Variants in MMS19 observed in about 807,000 individuals in gnomAD.
The protein encoded by MMS19 is MMS19 nucleotide excision repair protein homolog.
In MMS19, 77 loss-of-function variants were observed where a neutral mutation model predicts 129.8. That is an observed-to-expected ratio of 0.59 (90% confidence interval 0.49 to 0.72). The LOEUF is 0.72. Ranked by LOEUF, MMS19 falls within the 30% of genes least tolerant of loss-of-function variation. The pLI, the probability that MMS19 is intolerant of heterozygous loss-of-function variation, is 0.00. For synonymous variants in MMS19, 491 were observed against 502.8 expected, an observed-to-expected ratio of 0.98 and a Z score of 0.31; for missense variants, 1,168 against 1,266.3, an observed-to-expected ratio of 0.92 and a Z score of 1.18.
intron 1 of MMS19, among the ~76,000 whole-genome samples, chr10:97,494,385 T>C (rs1292770165): frequency 6.6e-6 from 1 of 152,184 alleles, no homozygotes. Flanking sequence ...CTTGAGAATC[T>C]GGACTAGCAG....
At chr10:97,494,316 T>C (rs939608589) in intron 1 of MMS19, among the ~76,000 whole-genome samples, 1 of 152,188 alleles carries the variant, frequency 6.6e-6, no homozygotes, top group African/African-American at 2.4e-5. Context: ...AAAGGAGTAT[T>C]CATGTGATCA....
chr10:97,473,397 C>T (rs1035659016), intron 8 of MMS19, among the ~76,000 whole-genome samples: 4 of 152,032 alleles, frequency 2.6e-5, no homozygotes, highest in Admixed American at 2.0e-4. Flanking sequence ...AGATTGAAGG[C>T]ATTTAAGGGT....
intron 11 of MMS19, 64 bp from the exon 12 acceptor site, chr10:97,469,168 A>T: frequency 6.6e-7 from 1 of 1,518,814 alleles, no homozygotes. Flanking sequence ...CCACCAATCC[A>T]CTGCCTATTT....
intron 10 of MMS19, 135 bp downstream of exon 10, chr10:97,469,994 A>T: frequency 1.4e-6 from 1 of 703,014 alleles, no homozygotes; most frequent in Non-Finnish European, 2.5e-6. Context: ...CTTCAGGTCG[A>T]CACAAAGGCC....
At chr10:97,477,761 C>G (rs2036018430) in intron 5 of MMS19, 94 bp downstream of exon 5, 1 of 845,934 alleles carries the variant, frequency 1.2e-6, no homozygotes. Flanking sequence ...CAAAAGAATT[C>G]AGAACTTAGA....
intron 1 of MMS19, 94 bp downstream of exon 1, chr10:97,498,179 C>T (rs2040151307): frequency 1.6e-6 from 2 of 1,227,850 alleles, no homozygotes; most frequent in Admixed American, 2.8e-5. Context: ...CTCTCAAAGT[C>T]ACCCCGCTCC....
chr10:97,480,901 T>C (rs931197609), intron 3 of MMS19, 41 bp downstream of exon 3: 2 of 1,428,440 alleles, frequency 1.4e-6, no homozygotes, highest in Admixed American at 1.9e-5. Context: ...AGACCTGGGC[T>C]CAGCAATCCA....
intron 2 of MMS19, among the ~76,000 whole-genome samples, chr10:97,482,185 G>C (rs192628008): frequency 9.2e-5 from 14 of 151,632 alleles, no homozygotes; most frequent in Admixed American, 8.5e-4. Context: ...CAAAGAAAAA[G>C]AAAAAAAGAA....
At chr10:97,498,472 G>A, upstream of MMS19, 1 of 1,520,700 alleles carries the variant, frequency 6.6e-7, no homozygotes, top group Non-Finnish European at 8.8e-7. Context: ...AATCTCCGGG[G>A]AAGCGCAAGG....
intron 1 of MMS19, among the ~76,000 whole-genome samples, chr10:97,488,213 G>A (rs557691010): frequency 6.6e-6 from 1 of 152,250 alleles, no homozygotes; most frequent in East Asian, 1.9e-4. Context: ...TACAATAAAA[G>A]ATGTAAATTA....
chr10:97,476,686 G>A lies in MMS19; in HGVS notation c.681C>T (p.Thr227=), dbSNP rs770258957. ...VTSCYFPIDF[T]PPPNDPHGIQ... ...AAACAATGAAGGTGCTACTTACAGG[G>A]GTAAAATCGATAGGGAAATAACAGG... The change falls in exon 8 of 31, where the codon ACC becomes ACT. Residue 227 remains threonine (T), a synonymous_variant. Coordinates refer to ENST00000438925, the MANE Select transcript of MMS19 (RefSeq NM_022362.5). 4 of 1,613,488 alleles carry A rather than the reference G, an allele frequency of 2.5e-6. No individual in the cohort carries two copies. Among genetic ancestry groups the A allele is most frequent in the Admixed American group, 1.7e-5 (1 of 59,966 alleles).
chr10:97,459,747 A>G lies in MMS19; in HGVS notation c.2657-6T>C, dbSNP rs1199653044. 1 of 1,604,098 alleles carries G rather than the reference A, an allele frequency of 6.2e-7. No individual in the cohort carries two copies. Among genetic ancestry groups the G allele is most frequent in the Admixed American group, 1.7e-5 (1 of 58,818 alleles). On this transcript the variant is annotated splice_region_variant and splice_polypyrimidine_tract_variant and intron_variant, in intron 26 of 30. Transcript: ENST00000438925. ...CAAGTAGTTTGGCTTCACATCTGTA[A>G]AAAATGGAAAGGCTTAGGGGAGAAA... is the stretch of plus-strand genomic sequence containing the variant.
chr10:97,464,909 G>C (rs998228790), intron 18 of MMS19, among the ~76,000 whole-genome samples: 4 of 151,966 alleles, frequency 2.6e-5, no homozygotes, highest in Non-Finnish European at 5.9e-5. Context: ...ATGTTGCATC[G>C]GCTGGTTAGG....
intron 8 of MMS19, among the ~76,000 whole-genome samples, chr10:97,473,969 C>T (rs1482878210): frequency 7.9e-5 from 12 of 151,872 alleles, no homozygotes; most frequent in Admixed American, 7.9e-4. Context: ...ATGGCAAAAT[C>T]CTGTCTCTAT....
rs187216181 is a variant in MMS19, at chr10:97,479,448, C to T, written c.263-1059G>A. ...ACGCCCCTTTTCAGTAGGAAGTAGCCAGGAGTCATCACCCCAAACCCCGTA... is the reference window on the plus strand; with the variant it reads ...ACGCCCCTTTTCAGTAGGAAGTAGCTAGGAGTCATCACCCCAAACCCCGTA... On this transcript the variant is annotated intron_variant, in intron 3 of 30. Transcript: ENST00000438925. Among the ~76,000 whole-genome samples the T allele has an allele frequency of 1.6e-3, 247 of 152,204 alleles. 1 individual carries two copies. The highest frequency in any genetic ancestry group is 5.8e-3 in the African/African-American group (240 of 41,506).
intron 18 of MMS19, 79 bp downstream of exon 18, chr10:97,465,726 G>A: frequency 1.5e-6 from 2 of 1,365,242 alleles, no homozygotes; most frequent in Non-Finnish European, 2.0e-6. Flanking sequence ...CTTATGTATA[G>A]CTACAGCTAG....
intron 25 of MMS19, 115 bp from the exon 26 acceptor site, chr10:97,460,347 C>A: frequency 2.1e-6 from 2 of 961,266 alleles, no homozygotes; most frequent in Non-Finnish European, 3.0e-6. Flanking sequence ...TTTGGGAGGC[C>A]AAGGCAGGTG....
rs775430370 is a variant in MMS19 at position 97,469,737 on chromosome 10, C to T, written c.847-14G>A. 1.5e-5 allele frequency: 24 copies of T among 1,612,376 alleles called. No individual in the cohort carries two copies. Among genetic ancestry groups the T allele is most frequent in the Non-Finnish European group, 1.9e-5 (22 of 1,178,700 alleles). On this transcript the variant is annotated splice_polypyrimidine_tract_variant and intron_variant, in intron 10 of 30. Transcript: ENST00000438925. ...ACAGCAAGCATTCTGCCAAGGAAAC[C>T]GCTGCTATCAGTTATGTACACACTC...
chr10:97,470,213 A>G lies in MMS19; in HGVS notation c.772-10T>C. ...ACAGGGGCAGCAGAAACTGTGGGAC[A>G]GAAGGAAGATCTTAAGCCTGAGATG... On this transcript the variant is annotated splice_polypyrimidine_tract_variant and intron_variant, in intron 9 of 30. Transcript: ENST00000438925. The G allele has an allele frequency of 6.3e-7, 1 of 1,596,862 alleles. No homozygotes were observed. Among genetic ancestry groups the G allele is most frequent in the Non-Finnish European group, 8.5e-7 (1 of 1,170,082 alleles).
Sources: allele counts gnomAD v4.1 joint callset (sites outside exome capture counted in the v4.1 genomes callset), GRCh38; gene constraint gnomAD v4.1.1; transcripts MANE v1.5; gene names NCBI Gene and HGNC (gene_info 2026-07-23, HGNC 2026-07-21).